Variants in BFSP1 observed in about 807,000 individuals in gnomAD.
BFSP1 encodes the protein beaded filament structural protein 1.
In BFSP1, 38 loss-of-function variants were observed where a neutral mutation model predicts 43.9. The observed-to-expected ratio is 0.87, with a 90% confidence interval of 0.67 to 1.14. The LOEUF is 1.14. BFSP1 is among the 50% of genes most tolerant of loss of function. The pLI is 0.00. For missense variants in BFSP1, 850 were observed against 875.1 expected, an observed-to-expected ratio of 0.97 and a Z score of 0.36; for synonymous variants, 352 against 354.8, an observed-to-expected ratio of 0.99 and a Z score of 0.09.
chr20:17,563,397 C>G (rs1025039937), upstream of BFSP1, among the ~76,000 whole-genome samples: 8 of 44,790 alleles, frequency 1.8e-4, no homozygotes, highest in Non-Finnish European at 4.7e-4. Context: ...CTCCCTCCCT[C>G]CCTTCCTTCC....
chr20:17,507,101 A>G lies in BFSP1; in HGVS notation c.735+1788T>C, dbSNP rs1041250299. The G allele has an allele frequency of 2.0e-5, 3 of 152,232 alleles. No individual in the cohort carries two copies. The highest frequency in any genetic ancestry group is 7.2e-5 in the African/African-American group (3 of 41,460). The allele number at this position is 152,232 out of a possible 1,614,324, so 9.4% of individuals were successfully genotyped here. A position where few individuals can be genotyped will look rare whatever the true frequency, so the allele number is the denominator to read the frequency against. ...TTTCTTATTTTGATATTCAACAAAT[A>G]CCTGTACATAAAGAGAGGAACATTC... On this transcript the variant is annotated intron_variant, in intron 5 of 7. Transcript: ENST00000377873. This position sits in a 1 kb window ranked among gnomAD's most constrained non-coding sequence, Gnocchi z 4.4.
chr20:17,553,820 C>T (rs2023360), intron 1 of BFSP1, among the ~76,000 whole-genome samples: 23,804 of 94,512 alleles, frequency 0.25, 4,005 homozygotes, highest in Non-Finnish European at 0.3. Context: ...CACACACACA[C>T]ACACATATAT....
Position 17,525,786 on chromosome 20 carries a change from G to A in BFSP1, c.378-878C>T, listed in dbSNP as rs2034406709. Among the ~76,000 whole-genome samples, 1 of 152,212 alleles carries A rather than the reference G, an allele frequency of 6.6e-6. No homozygotes were observed. Among genetic ancestry groups the A allele is most frequent in the South Asian group, 2.1e-4 (1 of 4,826 alleles). ...CTTGATGCTTGGCAAGCACAGGACT[G>A]CCTAGAAGGGAGACTACATTTTCCA... is the stretch of plus-strand genomic sequence containing the variant. On this transcript the variant is annotated intron_variant, in intron 1 of 7. Transcript: ENST00000377873. The surrounding 1 kb of genome is among the most constrained non-coding windows in gnomAD (Gnocchi z 4.2).
chr20:17,537,344 C>A (rs913381128), intron 1 of BFSP1, among the ~76,000 whole-genome samples: 1 of 152,080 alleles, frequency 6.6e-6, no homozygotes, highest in African/African-American at 2.4e-5. Context: ...AAAGACGCAC[C>A]CGTGAAGTAT....
rs2033559981 is a variant in BFSP1, at chr20:17,494,090, C to T, written c.1982G>A (p.Gly661Glu). ...CTGGGCATTTTAAGAGCTCTTCTCT[C>T]CTGATTTCTTCTTGTCTGACTTTGT... The part of the protein sequence containing the change: ...GKTKSDKKKS[G>E]EKSS The change falls in exon 8 of 8, where the codon GGA (glycine) becomes GAA (glutamate). Residue 661 changes from glycine (G) to glutamate (E), a missense_variant. By Grantham distance (98) the Gly-to-Glu change is moderately conservative. Transcript: ENST00000377873. 1.9e-6 allele frequency: 3 copies of T among 1,613,134 alleles called. No homozygotes were observed. In the East Asian group the frequency reaches 6.7e-5, roughly 36 times the overall value.
In BFSP1 at chr20:17,497,488, A is replaced by G. The variant is rs181885256; in HGVS notation, c.957-465T>C. The stretch of plus-strand genomic sequence containing the variant: ...CACACACACGTATATATACGTGTGT[A>G]TATATATATACACGTATATATACGT... On this transcript the variant is annotated intron_variant, in intron 6 of 7. Coordinates refer to ENST00000377873, the MANE Select transcript of BFSP1 (RefSeq NM_001195.5). 5.9e-3 allele frequency among the ~76,000 whole-genome samples: 867 copies of G among 147,796 alleles called. 5 individuals carry two copies. Among genetic ancestry groups the G allele is most frequent in the Non-Finnish European group, 8.1e-3 (541 of 67,124 alleles).
chr20:17,497,087 A>C, intron 6 of BFSP1, 64 bp from the exon 7 acceptor site: 7 of 1,294,352 alleles, frequency 5.4e-6, no homozygotes, highest in Non-Finnish European at 7.3e-6. Flanking sequence ...ACTCTCGTTA[A>C]TGTTGAGCAA....
At position 17,497,298 on chromosome 20, in the gene BFSP1, C is replaced by T. The variant is rs6044851; in HGVS notation, c.957-275G>A. Among the ~76,000 whole-genome samples the T allele has an allele frequency of 0.51, 76,989 of 151,628 alleles. 20,290 individuals are homozygous for T. Among genetic ancestry groups the T allele is most frequent in the African/African-American group, 0.64 (26,570 of 41,314 alleles). On this transcript the variant is annotated intron_variant, in intron 6 of 7. Transcript: ENST00000377873. ...TGCTTATAACCTAAAAATGCCACTT[C>T]TCCATGAGACAGTGCCTTTTTTATT...
chr20:17,554,181 A>C (rs2034953647), intron 1 of BFSP1, among the ~76,000 whole-genome samples: 1 of 152,142 alleles, frequency 6.6e-6, no homozygotes, highest in African/African-American at 2.4e-5. Context: ...TTTATGTTTA[A>C]GATCAGGTCT....
chr20:17,502,550 G>C (rs1014809202), intron 5 of BFSP1, among the ~76,000 whole-genome samples: 1 of 152,218 alleles, frequency 6.6e-6, no homozygotes, highest in African/African-American at 2.4e-5. Flanking sequence ...TGAGATTTTA[G>C]TGCAGTCTAT....
At position 17,508,959 on chromosome 20, in the gene BFSP1, C is replaced by G; in HGVS notation, c.665G>C (p.Arg222Pro). The change falls in exon 5 of 8, where the codon CGG (arginine) becomes CCG (proline). Residue 222 changes from arginine (R) to proline (P), a missense_variant. Physicochemically the swap from Arg to Pro is moderately radical, Grantham distance 103. Coordinates refer to ENST00000377873, the MANE Select transcript of BFSP1 (RefSeq NM_001195.5). ...LLTEREVAAL[R>P]SQLEEGREVL... ...CTCCCGGCCCTCCTCCAGCTGACTC[C>G]GCAGGGCGGCCACCTCCCGCTCCGT... 6.2e-7 allele frequency: 1 copy of G among 1,602,706 alleles called. No homozygotes were observed. The highest frequency in any genetic ancestry group is 8.5e-7 in the Non-Finnish European group (1 of 1,175,538).
intron 1 of BFSP1, among the ~76,000 whole-genome samples, chr20:17,552,263 G>C (rs950294628): frequency 3.3e-5 from 5 of 152,152 alleles, no homozygotes; most frequent in Non-Finnish European, 7.3e-5. Context: ...TTGGATTCTT[G>C]AAGAAAGAGC....
chr20:17,547,436 A>G (rs1473201196), intron 1 of BFSP1, among the ~76,000 whole-genome samples: 1 of 152,058 alleles, frequency 6.6e-6, no homozygotes, highest in Non-Finnish European at 1.5e-5. Flanking sequence ...TCCTCCTGGG[A>G]TGGTGTGGAT....
chr20:17,558,841 G>T, exon 1 of BFSP1: 1 of 1,175,742 alleles, frequency 8.5e-7, no homozygotes, highest in South Asian at 1.6e-5. Context: ...AAGAAAGGAG[G>T]CTTTAGAGGT....
intron 6 of BFSP1, 66 bp from the exon 7 acceptor site, chr20:17,497,089 G>T: frequency 7.8e-7 from 1 of 1,279,658 alleles, no homozygotes; most frequent in Non-Finnish European, 1.1e-6. Flanking sequence ...TCTCGTTAAT[G>T]TTGAGCAAAA....
chr20:17,530,931 TC>T, intron 1 of BFSP1, 21 bp downstream of exon 1: 4 of 1,393,424 alleles, frequency 2.9e-6, no homozygotes, highest in South Asian at 3.1e-5. Context: ...TGCCTCGGTT[TC>T]CCCCGATGGC....
In BFSP1 at chr20:17,499,056, C is replaced by T. The variant is rs76806936; in HGVS notation, c.736-16G>A. ...GAGTTGTTGTCTGTGGGCAAGGACA[C>T]GCTGTAAGAAAATCCATCCCCCTTC... On this transcript the variant is annotated splice_polypyrimidine_tract_variant and intron_variant, in intron 5 of 7. Transcript: ENST00000377873. The T allele has an allele frequency of 7.6e-4, 1,219 of 1,610,516 alleles. 12 individuals are homozygous for T. The African/African-American group carries it at 0.014, about 19-fold the overall frequency.
intron 1 of BFSP1, among the ~76,000 whole-genome samples, chr20:17,540,474 C>A (rs971223440): frequency 6.6e-6 from 1 of 152,152 alleles, no homozygotes; most frequent in East Asian, 1.9e-4. Flanking sequence ...TACACACCCA[C>A]GCCCCCATAC....
intron 7 of BFSP1, among the ~76,000 whole-genome samples, chr20:17,496,639 A>G (rs539482664): frequency 6.6e-6 from 1 of 152,348 alleles, no homozygotes; most frequent in East Asian, 1.9e-4. Context: ...CTTGTGTTGC[A>G]AAAGTTATTG....
Sources: allele counts gnomAD v4.1 joint callset (sites outside exome capture counted in the v4.1 genomes callset), GRCh38; gene constraint gnomAD v4.1.1; non-coding constraint Gnocchi (gnomAD v3.1); transcripts MANE v1.5; gene names NCBI Gene and HGNC (gene_info 2026-07-23, HGNC 2026-07-21).